The following MAGI2 variants were observed in gnomAD, a reference collection of about 807,000 sequenced individuals.
MAGI2 encodes membrane associated guanylate kinase, WW and PDZ domain containing 2.
MAGI2 carries 35 observed loss-of-function variants against 133.3 expected under a neutral mutation model. The observed-to-expected ratio is 0.26, with a 90% CI of 0.20 to 0.35. The LOEUF (loss-of-function observed/expected upper bound fraction) is 0.35, where lower values mean the gene tolerates loss of function less well. Among genes scored for constraint, MAGI2 ranks in the 10% least tolerant of loss-of-function variants. MAGI2 has a pLI of 1.00. For synonymous variants in MAGI2, 729 were observed against 710.6 expected (o/e 1.03, Z -0.41); for missense variants, 1,636 against 1,863.4 (o/e 0.88, Z 2.25).
intron 1 of MAGI2, among the ~76,000 whole-genome samples, chr7:79,380,102 C>G (rs981061649): frequency 4.0e-5 from 6 of 151,798 alleles, no homozygotes; most frequent in African/African-American, 1.5e-4. Flanking sequence ...GACTTCATGT[C>G]TAAGACACCA....
chr7:78,943,695 T>C (rs1801171174), intron 2 of MAGI2, among the ~76,000 whole-genome samples: 2 of 152,210 alleles, frequency 1.3e-5, no homozygotes, highest in South Asian at 4.1e-4. Flanking sequence ...TTCCTTTGCA[T>C]ACTATAAAGG....
chr7:78,997,557 G>A (rs1022148510), intron 2 of MAGI2, among the ~76,000 whole-genome samples: 10 of 149,558 alleles, frequency 6.7e-5, no homozygotes, highest in African/African-American at 7.4e-5. Flanking sequence ...AGCCGAGATC[G>A]TGCCATTGCA....
At chr7:78,166,221 A>G (rs1271609550) in intron 15 of MAGI2, among the ~76,000 whole-genome samples, 1 of 152,248 alleles carries the variant, frequency 6.6e-6, no homozygotes, top group Non-Finnish European at 1.5e-5. Flanking sequence ...TTAATTTGCA[A>G]TAATCAGCTG....
At chr7:78,458,986 A>C (rs934924913) in intron 6 of MAGI2, among the ~76,000 whole-genome samples, 1 of 152,238 alleles carries the variant, frequency 6.6e-6, no homozygotes, top group South Asian at 2.1e-4. Context: ...ATGTAAGAGC[A>C]ACCAAAGTTA....
intron 10 of MAGI2, among the ~76,000 whole-genome samples, chr7:78,238,102 A>G (rs1038589472): frequency 6.6e-6 from 1 of 151,998 alleles, no homozygotes; most frequent in Non-Finnish European, 1.5e-5. Flanking sequence ...CTCACAAGTT[A>G]TGTGTTTTTG....
chr7:78,821,352 T>G (rs1189589581), intron 2 of MAGI2, among the ~76,000 whole-genome samples: 2 of 151,938 alleles, frequency 1.3e-5, no homozygotes, highest in African/African-American at 4.8e-5. Flanking sequence ...TCTCTCTCTA[T>G]TGGGAGAAAT....
chr7:78,593,140 C>CT (rs1220705153), intron 3 of MAGI2, among the ~76,000 whole-genome samples: 25 of 148,070 alleles, frequency 1.7e-4, no homozygotes, highest in East Asian at 7.9e-4. Flanking sequence ...TTTTTTCTTT[C>CT]TTTTTTTTAA....
intron 2 of MAGI2, among the ~76,000 whole-genome samples, chr7:78,691,234 G>C (rs193301220): frequency 3.0e-4 from 45 of 152,184 alleles, no homozygotes; most frequent in Non-Finnish European, 5.4e-4. Context: ...GCTTTCATAT[G>C]GCCCCTCTAG....
intron 20 of MAGI2, among the ~76,000 whole-genome samples, chr7:78,098,962 T>C (rs1031534323): frequency 6.6e-6 from 1 of 152,176 alleles, no homozygotes; most frequent in Non-Finnish European, 1.5e-5. Flanking sequence ...TTTTAATTCA[T>C]GGAGTTTTTT....
intron 16 of MAGI2, among the ~76,000 whole-genome samples, chr7:78,143,052 A>G (rs1451858842): frequency 2.0e-5 from 3 of 152,200 alleles, no homozygotes; most frequent in Non-Finnish European, 4.4e-5. Flanking sequence ...AAAGACTCAG[A>G]AAAAGATATG....
intron 1 of MAGI2, among the ~76,000 whole-genome samples, chr7:79,216,389 C>T (rs1049755935): frequency 6.6e-6 from 1 of 151,920 alleles, no homozygotes; most frequent in Non-Finnish European, 1.5e-5. Flanking sequence ...GGATGCCAGA[C>T]AAGGGCTTCG....
At chr7:78,357,216 T>C (rs4730236) in intron 7 of MAGI2, among the ~76,000 whole-genome samples, 127,920 of 152,092 alleles carry the variant, frequency 0.84, 54,081 homozygotes, top group African/African-American at 0.92. Context: ...AGCTTGATGG[T>C]CTGGCTTCTT....
intron 2 of MAGI2, among the ~76,000 whole-genome samples, chr7:78,864,397 T>A (rs1451289915): frequency 2.0e-5 from 3 of 152,236 alleles, no homozygotes; most frequent in African/African-American, 7.2e-5. Flanking sequence ...TAATTGTACA[T>A]TTTAAATATA....
intron 2 of MAGI2, among the ~76,000 whole-genome samples, chr7:78,721,763 C>A (rs1170166925): frequency 6.6e-6 from 1 of 151,822 alleles, no homozygotes; most frequent in Non-Finnish European, 1.5e-5. Flanking sequence ...AGCTAGCATC[C>A]AATGAGTATT....
chr7:79,085,118 T>C (rs140581610), intron 1 of MAGI2, among the ~76,000 whole-genome samples: 52 of 151,900 alleles, frequency 3.4e-4, no homozygotes, highest in Non-Finnish European at 6.3e-4. Flanking sequence ...TACATTGCTA[T>C]GCTTGATGAT....
intron 6 of MAGI2, among the ~76,000 whole-genome samples, chr7:78,439,454 C>A (rs1046692199): frequency 3.9e-5 from 6 of 152,022 alleles, no homozygotes; most frequent in African/African-American, 9.7e-5. Flanking sequence ...GTTGGAAAAG[C>A]CTTAATGTAA....
At chr7:79,176,674 T>TGGGCAAAG (rs1826124362) in intron 1 of MAGI2, among the ~76,000 whole-genome samples, 1 of 152,044 alleles carries the variant, frequency 6.6e-6, no homozygotes, top group Non-Finnish European at 1.5e-5. Context: ...AATTTGCCTT[T>TGGGCAAAG]GCCCACTACT....
intron 2 of MAGI2, among the ~76,000 whole-genome samples, chr7:78,960,423 A>G (rs1420545227): frequency 6.6e-6 from 1 of 152,108 alleles, no homozygotes; most frequent in Non-Finnish European, 1.5e-5. Flanking sequence ...TCTCTCCCCA[A>G]GTCTGTTCCC....
At chr7:78,688,052 A>C (rs1182905795) in intron 2 of MAGI2, among the ~76,000 whole-genome samples, 3 of 151,808 alleles carry the variant, frequency 2.0e-5, no homozygotes, top group Non-Finnish European at 2.9e-5. Context: ...TCATATAGCA[A>C]ATAAGTGTGG....
Sources: allele counts gnomAD v4.1 joint callset (sites outside exome capture counted in the v4.1 genomes callset), GRCh38; gene constraint gnomAD v4.1.1; transcripts MANE v1.5; gene names NCBI Gene and HGNC (gene_info 2026-07-23, HGNC 2026-07-21).